GNPAT: variants seen among roughly 807,000 people sequenced by gnomAD.
GNPAT encodes glyceronephosphate O-acyltransferase.
In GNPAT, 30 loss-of-function variants were observed where a neutral mutation model predicts 78.4. That is an observed-to-expected ratio of 0.38 (90% CI 0.29 to 0.52). GNPAT has a LOEUF of 0.52. GNPAT is among the 20% of genes least tolerant of loss of function. The probability of loss-of-function intolerance (pLI) is 0.84; values close to 1 mark genes in which losing one functional copy is unlikely to be tolerated. For synonymous variants in GNPAT, 271 were observed against 281.1 expected (o/e 0.96, Z 0.36); for missense variants, 714 against 812.2 (o/e 0.88, Z 1.47).
At chr1:231,271,281 T>A (rs1328326990) in intron 10 of GNPAT, among the ~76,000 whole-genome samples, 2 of 152,194 alleles carry the variant, frequency 1.3e-5, no homozygotes, top group Admixed American at 1.3e-4. Context: ...GGCATTTGAG[T>A]ACAGTTCTCC....
intron 4 of GNPAT, among the ~76,000 whole-genome samples, chr1:231,264,468 C>T (rs1685317840): frequency 6.6e-6 from 1 of 152,138 alleles, no homozygotes; most frequent in African/African-American, 2.4e-5. Flanking sequence ...AGTTGTTTAT[C>T]CACTCCCTTT....
chr1:231,270,151 G>A (rs1314000381), intron 9 of GNPAT: 1 of 156,838 alleles, frequency 6.4e-6, no homozygotes, highest in East Asian at 1.9e-4. Context: ...TCTTCATTAT[G>A]CTTCTGTAAT....
intron 4 of GNPAT, 151 bp from the exon 5 acceptor site, chr1:231,265,142 C>A: frequency 1.5e-6 from 1 of 656,576 alleles, no homozygotes; most frequent in Non-Finnish European, 2.7e-6. Flanking sequence ...TGCTTGAGGC[C>A]AGGAAGTTTG....
rs776346998 is a variant in GNPAT at position 231,241,425 on chromosome 1, C to G, written c.47C>G (p.Thr16Ser). The G allele has an allele frequency of 1.9e-6, 3 of 1,613,648 alleles. No homozygotes were observed. In the African/African-American group the frequency reaches 4.0e-5, roughly 22 times the overall value. The change falls in exon 1 of 16, where the codon ACC (threonine) becomes AGC (serine). Residue 16 changes from threonine to serine, a missense_variant. By Grantham distance (58) the Thr-to-Ser change is moderately conservative. Transcript: ENST00000366647. ...SSNSYFSVGP[T>S]SPSAVVLLYS... ...AACTCTTATTTCTCCGTTGGCCCAA[C>G]CAGTCCCAGCGCTGTCGTGCTCCTC...
intron 9 of GNPAT, 38 bp from the exon 10 acceptor site, chr1:231,270,720 T>C: frequency 1.2e-6 from 2 of 1,610,554 alleles, no homozygotes; most frequent in Non-Finnish European, 1.7e-6. Flanking sequence ...CTCCCTGCAG[T>C]GACCCATCTT....
intron 2 of GNPAT, among the ~76,000 whole-genome samples, chr1:231,252,211 T>G (rs1411958139): frequency 2.0e-5 from 3 of 152,208 alleles, no homozygotes; most frequent in Non-Finnish European, 4.4e-5. Flanking sequence ...TAGGGAGTGG[T>G]TGTAGAAACA....
At chr1:231,268,152 A>C (rs1222425000) in intron 9 of GNPAT, among the ~76,000 whole-genome samples, 3 of 151,934 alleles carry the variant, frequency 2.0e-5, no homozygotes, top group Non-Finnish European at 2.9e-5. Context: ...AAATAGAAAA[A>C]ATTAACCAGG....
In GNPAT at chr1:231,274,090, A is replaced by G. The variant is rs567146812; in HGVS notation, c.1743+28A>G. The G allele has an allele frequency of 4.4e-6, 7 of 1,591,944 alleles. No individual in the cohort carries two copies. In the Admixed American group the frequency reaches 5.0e-5, roughly 11 times the overall value. ...ATGTAAATTTGGCAAGTTCTCCTTC[A>G]TGCCCCCCATATCAAATATAATAAG... On this transcript the variant is annotated intron_variant, in intron 12 of 15. Coordinates refer to ENST00000366647, the MANE Select transcript of GNPAT (RefSeq NM_014236.4).
chr1:231,275,819 C>A (rs1685696550), intron 14 of GNPAT, among the ~76,000 whole-genome samples: 1 of 152,160 alleles, frequency 6.6e-6, no homozygotes, highest in African/African-American at 2.4e-5. Flanking sequence ...CACATAAATA[C>A]ACACATAATA....
At chr1:231,273,493 C>T (rs1335728842) in intron 11 of GNPAT, among the ~76,000 whole-genome samples, 2 of 152,050 alleles carry the variant, frequency 1.3e-5, no homozygotes, top group Non-Finnish European at 2.9e-5. Flanking sequence ...CTTCATGATC[C>T]GCCCGCCTCA....
chr1:231,265,108 T>C (rs1685338174), intron 4 of GNPAT, among the ~76,000 whole-genome samples, 185 bp from the exon 5 acceptor site: 1 of 152,208 alleles, frequency 6.6e-6, no homozygotes, highest in African/African-American at 2.4e-5. Flanking sequence ...ATCCCAGTAC[T>C]TTGGGAGGCC....
At chr1:231,253,054 C>T (rs1055368950) in intron 2 of GNPAT, among the ~76,000 whole-genome samples, 9 of 152,222 alleles carry the variant, frequency 5.9e-5, no homozygotes, top group African/African-American at 1.9e-4. Context: ...CTGCAAGCTC[C>T]GCCTCCCGGG....
intron 9 of GNPAT, among the ~76,000 whole-genome samples, chr1:231,268,946 G>GT (rs911532217): frequency 1.0e-4 from 15 of 150,580 alleles, no homozygotes; most frequent in East Asian, 7.8e-4. Context: ...TTGGAAATGC[G>GT]TTTTTTTTTA....
chr1:231,256,723 T>C, intron 2 of GNPAT, among the ~76,000 whole-genome samples: 1 of 152,072 alleles, frequency 6.6e-6, no homozygotes, highest in Non-Finnish European at 1.5e-5. Context: ...CCTGACCTCG[T>C]GATCCGCCCG....
In GNPAT at chr1:231,276,175, A is replaced by G; in HGVS notation, c.1978A>G (p.Thr660Ala). ...ATTTAATGTGAATGAACCTGCCACA[A>G]CCAAATTAGAAGAAATGCTTGGTAA... ...CIFNVNEPAT[T>A]KLEEMLGCKT... Residue 660 changes from threonine (T) to alanine (A), a missense_variant, in exon 15 of 16, where the codon ACC (threonine) becomes GCC (alanine). Coordinates refer to ENST00000366647, the MANE Select transcript of GNPAT (RefSeq NM_014236.4). 3 of 1,430,964 alleles carry G rather than the reference A, an allele frequency of 2.1e-6. No individual in the cohort carries two copies. The highest frequency in any genetic ancestry group is 3.0e-6 in the Non-Finnish European group (3 of 1,014,378). 88.6% of individuals were successfully genotyped at this position (1,430,964 alleles called of 1,614,324 possible). A position where few individuals can be genotyped will look rare whatever the true frequency, so the allele number is the denominator to read the frequency against.
intron 1 of GNPAT, among the ~76,000 whole-genome samples, chr1:231,244,504 T>C (rs1310275108): frequency 2.0e-5 from 3 of 152,184 alleles, no homozygotes; most frequent in Non-Finnish European, 4.4e-5. Flanking sequence ...ATTTGGCAAC[T>C]GGGCAGATGA....
chr1:231,274,128 T>C (rs974527785), intron 12 of GNPAT, 66 bp downstream of exon 12: 3 of 1,392,510 alleles, frequency 2.2e-6, no homozygotes, highest in Non-Finnish European at 3.1e-6. Flanking sequence ...ATTCTCACCC[T>C]GTGCTTATTT....
Position 231,267,777 on chromosome 1 carries a change from C to T in GNPAT, c.1153C>T (p.Pro385Ser), listed in dbSNP as rs373418313. The change falls in exon 9 of 16, where the codon CCC becomes TCC. Residue 385 changes from proline to serine, a missense_variant. Pro to Ser is a moderately conservative substitution (Grantham distance 74). Coordinates refer to ENST00000366647, the MANE Select transcript of GNPAT (RefSeq NM_014236.4). ...GCAAATTGAAAACATGGTTTTGAGC[C>T]CCTGGACCCTAATAGTTGCTGTTCT... Reference protein sequence around the residue: ...LLQIENMVLSPWTLIVAVLLQ... With the variant: ...LLQIENMVLSSWTLIVAVLLQ... 9.9e-6 allele frequency: 16 copies of T among 1,612,752 alleles called. No individual in the cohort carries two copies. Among genetic ancestry groups the T allele is most frequent in the South Asian group, 7.7e-5 (7 of 91,056 alleles).
At chr1:231,252,104 CTAA>C (rs1684916071) in intron 2 of GNPAT, among the ~76,000 whole-genome samples, 1 of 152,186 alleles carries the variant, frequency 6.6e-6, no homozygotes, top group African/African-American at 2.4e-5. Flanking sequence ...ACACAATCGG[CTAA>C]TGTTTTAGAA....
Sources: allele counts gnomAD v4.1 joint callset (sites outside exome capture counted in the v4.1 genomes callset), GRCh38; gene constraint gnomAD v4.1.1; transcripts MANE v1.5; gene names NCBI Gene and HGNC (gene_info 2026-07-23, HGNC 2026-07-21).